Variants in TMEFF2 observed in about 807,000 individuals in gnomAD.
The protein encoded by TMEFF2 is transmembrane protein with EGF like and two follistatin like domains 2, also known as tomoregulin-2.
Under a neutral mutation model 53.8 loss-of-function variants are expected in TMEFF2, and 28 were observed. The observed-to-expected ratio is 0.52, with a 90% CI of 0.39 to 0.71. TMEFF2 has a LOEUF of 0.71. Among genes scored for constraint, TMEFF2 ranks in the 30% least tolerant of loss-of-function variants. TMEFF2 has a pLI of 0.00. For missense variants in TMEFF2, 353 were observed against 455.2 expected (o/e 0.78, Z 2.04); for synonymous variants, 162 against 166.3 (o/e 0.97, Z 0.20).
chr2:192,157,690 A>C (rs191482408), intron 4 of TMEFF2, among the ~76,000 whole-genome samples: 2 of 152,150 alleles, frequency 1.3e-5, no homozygotes, highest in East Asian at 3.9e-4. Flanking sequence ...TCAAATTTTA[A>C]TAAAAGTATA....
At chr2:192,076,605 A>G (rs1308960030) in intron 4 of TMEFF2, among the ~76,000 whole-genome samples, 1 of 152,156 alleles carries the variant, frequency 6.6e-6, no homozygotes, top group Admixed American at 6.6e-5. Context: ...AAGACCATGC[A>G]CTGCACTCTT....
chr2:192,077,500 A>G (rs921739955), intron 4 of TMEFF2, among the ~76,000 whole-genome samples: 5 of 152,180 alleles, frequency 3.3e-5, no homozygotes, highest in African/African-American at 1.2e-4. Context: ...TTCTTCCTCA[A>G]ACTTTTAGGT....
intron 9 of TMEFF2, 140 bp downstream of exon 9, chr2:191,953,539 T>C: frequency 1.2e-6 from 1 of 852,170 alleles, no homozygotes; most frequent in Non-Finnish European, 1.7e-6. Context: ...ATTCAAATAC[T>C]CTTATGCTAA....
chr2:192,153,301 AT>A (rs1339129248), intron 4 of TMEFF2, among the ~76,000 whole-genome samples: 2 of 151,850 alleles, frequency 1.3e-5, no homozygotes, highest in African/African-American at 4.8e-5. Flanking sequence ...GAATACTGGT[AT>A]TTTTTTAAAA....
chr2:191,990,272 CTTT>C (rs1056719361), intron 7 of TMEFF2, among the ~76,000 whole-genome samples: 2 of 152,038 alleles, frequency 1.3e-5, no homozygotes, highest in African/African-American at 4.8e-5. Flanking sequence ...TATTTTAAGA[CTTT>C]TTTAGTTGAT....
intron 5 of TMEFF2, among the ~76,000 whole-genome samples, chr2:192,025,300 A>G (rs1197087409): frequency 6.6e-6 from 1 of 152,136 alleles, no homozygotes; most frequent in African/African-American, 2.4e-5. Context: ...ATGAGCCTAC[A>G]ACCAAGTGTG....
chr2:192,074,077 TAGTC>T (rs1387878851), intron 4 of TMEFF2, among the ~76,000 whole-genome samples: 3 of 151,986 alleles, frequency 2.0e-5, no homozygotes, highest in South Asian at 2.1e-4. Flanking sequence ...ATAAATCAAA[TAGTC>T]AGATGACTAA....
chr2:192,184,302 T>C (rs368447773), intron 3 of TMEFF2, 52 bp downstream of exon 3: 38 of 1,589,738 alleles, frequency 2.4e-5, no homozygotes, highest in Non-Finnish European at 3.3e-5. Context: ...AAAGACATGG[T>C]TTTTGGATTT....
chr2:192,123,228 T>C (rs886728072), intron 4 of TMEFF2, among the ~76,000 whole-genome samples: 7 of 152,202 alleles, frequency 4.6e-5, no homozygotes, highest in African/African-American at 1.7e-4. Flanking sequence ...GGGGTGATAT[T>C]TATGATGTTT....
intron 4 of TMEFF2, among the ~76,000 whole-genome samples, chr2:192,078,782 G>C (rs895664243): frequency 4.6e-5 from 7 of 152,000 alleles, no homozygotes; most frequent in Admixed American, 3.3e-4. Flanking sequence ...GTCTGAAAAA[G>C]GAAAAAACTA....
intron 4 of TMEFF2, among the ~76,000 whole-genome samples, chr2:192,153,073 TA>T (rs1690426190): frequency 6.6e-6 from 1 of 151,290 alleles, no homozygotes; most frequent in Non-Finnish European, 1.5e-5. Flanking sequence ...AGCCTATATT[TA>T]AATATTTTAA....
intron 1 of TMEFF2, among the ~76,000 whole-genome samples, chr2:192,192,660 A>T (rs954473860): frequency 2.0e-5 from 3 of 152,200 alleles, no homozygotes; most frequent in African/African-American, 4.8e-5. Flanking sequence ...AATATCTGGT[A>T]AATATGTAAT....
Position 191,999,112 on chromosome 2 carries a change from T to C in TMEFF2, c.633A>G (p.Ala211=), listed in dbSNP as rs1686294121. The change falls in exon 6 of 10, where the codon GCA becomes GCG. Residue 211 remains alanine, a synonymous_variant. Coordinates refer to ENST00000272771, the MANE Select transcript of TMEFF2 (RefSeq NM_016192.4). ...SYDNACQIKE[A]SCQKQEKIEV... ...CAATTTTCTCCTGTTTCTGACACGATGCTTCTTTGATTTGGCATGCATTAT... is the reference window on the plus strand; with the variant it reads ...CAATTTTCTCCTGTTTCTGACACGACGCTTCTTTGATTTGGCATGCATTAT... The C allele has an allele frequency of 6.2e-7, 1 of 1,612,536 alleles. No individual in the cohort carries two copies. The highest frequency in any genetic ancestry group is 8.5e-7 in the Non-Finnish European group (1 of 1,178,828).
intron 4 of TMEFF2, among the ~76,000 whole-genome samples, chr2:192,130,699 C>T (rs1247838775): frequency 3.9e-5 from 6 of 152,048 alleles, no homozygotes; most frequent in African/African-American, 1.4e-4. Context: ...ACGGCCCCAC[C>T]CCTATCTCCC....
chr2:191,985,622 C>T (rs2105819896), intron 7 of TMEFF2, among the ~76,000 whole-genome samples: 1 of 152,260 alleles, frequency 6.6e-6, no homozygotes, highest in Non-Finnish European at 1.5e-5. Context: ...AGTAAAAGAG[C>T]AATGGTGCAC....
chr2:191,986,396 G>A (rs2105820689), intron 7 of TMEFF2, among the ~76,000 whole-genome samples: 1 of 152,268 alleles, frequency 6.6e-6, no homozygotes, highest in Non-Finnish European at 1.5e-5. Flanking sequence ...AATAAGATAA[G>A]CGATCCAATT....
chr2:192,184,334 AAAG>A lies in TMEFF2; in HGVS notation c.412+17_412+19del. 1 of 1,611,964 alleles carries A rather than the reference AAAG, an allele frequency of 6.2e-7. No individual in the cohort carries two copies. Among genetic ancestry groups the A allele is most frequent in the South Asian group, 1.1e-5 (1 of 90,810 alleles). On this transcript the variant is annotated intron_variant, in intron 3 of 9. Transcript: ENST00000272771. The stretch of plus-strand genomic sequence containing the variant: ...ATTTGGAATCCATGCAGAAGGTTTC[AAAG>A]AAGATCACACACATACCTGTGGCAC...
chr2:192,029,902 C>A (rs1455187970), intron 5 of TMEFF2, among the ~76,000 whole-genome samples: 1 of 152,156 alleles, frequency 6.6e-6, no homozygotes, highest in Admixed American at 6.5e-5. Flanking sequence ...TGGCTTAATA[C>A]AACAAAGCTG....
At chr2:192,063,015 T>G (rs1688085202) in intron 4 of TMEFF2, among the ~76,000 whole-genome samples, 1 of 151,850 alleles carries the variant, frequency 6.6e-6, no homozygotes, top group African/African-American at 2.4e-5. Flanking sequence ...CAAATTTGAT[T>G]TCTTTATACA....
Sources: allele counts gnomAD v4.1 joint callset (sites outside exome capture counted in the v4.1 genomes callset), GRCh38; gene constraint gnomAD v4.1.1; transcripts MANE v1.5; gene names NCBI Gene and HGNC (gene_info 2026-07-23, HGNC 2026-07-21).